Variants in DCC observed in about 807,000 individuals in gnomAD.
DCC encodes the protein DCC netrin 1 receptor.
A neutral mutation model predicts 172.5 loss-of-function variants in DCC; 58 were observed. The ratio of observed to expected loss-of-function variants is 0.34; its 90% CI spans 0.27 to 0.42. The LOEUF (loss-of-function observed/expected upper bound fraction) is 0.42. Among genes scored for constraint, DCC ranks in the 10% least tolerant of loss-of-function variants. The pLI is 1.00. For synonymous variants in DCC, 709 were observed against 644.5 expected (o/e 1.10, Z -1.52); for missense variants, 1,740 against 1,791.0 (o/e 0.97, Z 0.51).
chr18:52,913,997 C>A (rs1416536704), intron 3 of DCC, among the ~76,000 whole-genome samples: 1 of 152,000 alleles, frequency 6.6e-6, no homozygotes, highest in Non-Finnish European at 1.5e-5. Context: ...TCAACACTGA[C>A]AAAATGGGAA....
At chr18:53,465,351 A>G (rs1256119901) in intron 24 of DCC, among the ~76,000 whole-genome samples, 2 of 151,794 alleles carry the variant, frequency 1.3e-5, no homozygotes, top group Non-Finnish European at 2.9e-5. Context: ...TTTGCTGGAT[A>G]TTGTTAACCC....
intron 15 of DCC, among the ~76,000 whole-genome samples, chr18:53,377,524 C>T (rs1257369219): frequency 6.6e-6 from 1 of 152,194 alleles, no homozygotes; most frequent in Non-Finnish European, 1.5e-5. Context: ...TCCCACCTCA[C>T]AACACTCTTG....
rs140913150 is a variant in DCC, at chr18:52,873,639, C to G, written c.413-32405C>G. On this transcript the variant is annotated intron_variant, in intron 2 of 28. Coordinates refer to ENST00000442544, the MANE Select transcript of DCC (RefSeq NM_005215.4). ...TGATTCACCAAGGGGGTAAATAGAT[C>G]AGTCAACAGTGAATACAGCTGATTT... 4.7e-4 allele frequency among the ~76,000 whole-genome samples: 72 copies of G among 152,260 alleles called. 1 individual carries two copies. The highest frequency in any genetic ancestry group is 3.4e-3 in the Middle Eastern group (1 of 292).
At chr18:52,700,874 C>G (rs1357742202) in intron 1 of DCC, among the ~76,000 whole-genome samples, 1 of 152,120 alleles carries the variant, frequency 6.6e-6, no homozygotes, top group Non-Finnish European at 1.5e-5. Flanking sequence ...GGTATTATTG[C>G]CCAGTAGCAC....
intron 1 of DCC, among the ~76,000 whole-genome samples, chr18:52,666,185 C>T (rs191066348): frequency 7.0e-4 from 106 of 152,050 alleles, no homozygotes; most frequent in African/African-American, 2.0e-3. Flanking sequence ...CGCAGCTACT[C>T]GGTGGAGCTG....
intron 2 of DCC, among the ~76,000 whole-genome samples, chr18:52,761,613 T>C (rs1006562253): frequency 6.6e-6 from 1 of 152,172 alleles, no homozygotes; most frequent in Non-Finnish European, 1.5e-5. Context: ...ATTTATCTTT[T>C]CATTCTATGT....
At chr18:53,409,884 T>C (rs559317032) in intron 19 of DCC, among the ~76,000 whole-genome samples, 120 of 152,298 alleles carry the variant, frequency 7.9e-4, no homozygotes, top group African/African-American at 2.7e-3. Flanking sequence ...TAAAGAATAT[T>C]GCCCAGACCT....
chr18:53,459,916 C>CA (rs980218127), intron 24 of DCC, among the ~76,000 whole-genome samples: 3 of 151,670 alleles, frequency 2.0e-5, no homozygotes, highest in Admixed American at 6.6e-5. Context: ...ACTTGAAGTA[C>CA]AAAAAAACTG....
chr18:52,596,608 G>T (rs575330133), intron 1 of DCC, among the ~76,000 whole-genome samples: 1 of 152,166 alleles, frequency 6.6e-6, no homozygotes. Context: ...GATCTAACTT[G>T]TTCTGTTTAC....
chr18:53,085,759 C>A (rs963884162), intron 7 of DCC, among the ~76,000 whole-genome samples: 3 of 151,816 alleles, frequency 2.0e-5, no homozygotes, highest in East Asian at 1.9e-4. Flanking sequence ...TTTTGTGATG[C>A]TGGCTTGAAC....
intron 15 of DCC, among the ~76,000 whole-genome samples, chr18:53,341,345 CA>C (rs911862866): frequency 1.3e-5 from 2 of 151,946 alleles, no homozygotes; most frequent in African/African-American, 4.8e-5. Flanking sequence ...TCTTCGTTAC[CA>C]AAAAAAACTT....
intron 2 of DCC, among the ~76,000 whole-genome samples, chr18:52,830,446 G>C (rs575547361): frequency 6.6e-6 from 1 of 152,238 alleles, no homozygotes; most frequent in African/African-American, 2.4e-5. Flanking sequence ...GTGAGGAAAT[G>C]GATGTCTTAC....
At chr18:52,406,653 T>A (rs1323368765) in intron 1 of DCC, among the ~76,000 whole-genome samples, 1 of 152,080 alleles carries the variant, frequency 6.6e-6, no homozygotes, top group Non-Finnish European at 1.5e-5. Context: ...AGCTAATCCT[T>A]TTACTTCTTA....
chr18:52,472,132 T>A (rs147632538), intron 1 of DCC, among the ~76,000 whole-genome samples: 2 of 152,182 alleles, frequency 1.3e-5, no homozygotes, highest in African/African-American at 4.8e-5. Flanking sequence ...TGTACAAGAA[T>A]GGATTTTGAG....
intron 12 of DCC, among the ~76,000 whole-genome samples, chr18:53,286,256 C>T (rs1382684656): frequency 6.6e-6 from 1 of 152,010 alleles, no homozygotes; most frequent in Admixed American, 6.6e-5. Context: ...TTTTAACTCC[C>T]ACAATTCCCA....
intron 5 of DCC, among the ~76,000 whole-genome samples, chr18:53,013,587 T>C (rs1018966587): frequency 6.6e-6 from 1 of 151,736 alleles, no homozygotes; most frequent in Non-Finnish European, 1.5e-5. Flanking sequence ...AAATACCTAA[T>C]GCATGTGGGG....
chr18:52,719,810 C>T (rs1005949440), intron 1 of DCC, among the ~76,000 whole-genome samples: 2 of 152,072 alleles, frequency 1.3e-5, no homozygotes, highest in African/African-American at 2.4e-5. Flanking sequence ...TCCAGGTAGG[C>T]AGAGTGGTGA....
chr18:53,144,801 A>C (rs977975630), intron 7 of DCC, among the ~76,000 whole-genome samples: 2 of 152,074 alleles, frequency 1.3e-5, no homozygotes, highest in Middle Eastern at 3.2e-3. Context: ...AAGGTACTTT[A>C]TGGGCATTAT....
chr18:52,961,143 C>A (rs749765816), intron 5 of DCC, among the ~76,000 whole-genome samples: 3 of 151,856 alleles, frequency 2.0e-5, no homozygotes, highest in Admixed American at 1.3e-4. Context: ...GCCTGTTGTG[C>A]GGTGGGGAGA....
Sources: gnomAD v4.1 joint callset for allele counts (sites outside exome capture counted in the v4.1 genomes callset) on GRCh38, gnomAD v4.1.1 for gene constraint, MANE v1.5 for transcripts, NCBI Gene and HGNC (gene_info 2026-07-23, HGNC 2026-07-21) for gene names.